The following KHDRBS2 variants were observed in gnomAD, a reference collection of about 807,000 sequenced individuals.
KHDRBS2 encodes the protein KH RNA binding domain containing, signal transduction associated 2.
A neutral mutation model predicts 44.3 loss-of-function variants in KHDRBS2; 26 were observed. The observed-to-expected ratio is 0.59, with a 90% CI of 0.43 to 0.81. The LOEUF is 0.81. Ranked by LOEUF, KHDRBS2 falls within the 40% of genes least tolerant of loss-of-function variation. The pLI is 0.00. For synonymous variants in KHDRBS2, 194 were observed against 151.1 expected, an observed-to-expected ratio of 1.28 and a Z score of -2.08; for missense variants, 476 against 433.1, an observed-to-expected ratio of 1.10 and a Z score of -0.88.
At chr6:62,177,401 A>C in intron 1 of KHDRBS2, 89 bp from the exon 2 acceptor site, 1 of 958,542 alleles carries the variant, frequency 1.0e-6, no homozygotes, top group Non-Finnish European at 1.5e-6. Context: ...AATAATATTC[A>C]TATTACTCCT....
At chr6:62,061,067 C>T (rs1272935159) in intron 2 of KHDRBS2, among the ~76,000 whole-genome samples, 1 of 151,880 alleles carries the variant, frequency 6.6e-6, no homozygotes, top group African/African-American at 2.4e-5. Context: ...CTATGTGTGT[C>T]TCTGAAAGTT....
At chr6:61,909,638 C>T (rs935240915) in intron 4 of KHDRBS2, among the ~76,000 whole-genome samples, 8 of 145,952 alleles carry the variant, frequency 5.5e-5, no homozygotes, top group African/African-American at 2.1e-4. Context: ...ACAGTATACA[C>T]AAAAGCTCAG....
At chr6:61,758,009 G>A (rs1321333684) in intron 6 of KHDRBS2, among the ~76,000 whole-genome samples, 1 of 152,038 alleles carries the variant, frequency 6.6e-6, no homozygotes, top group Non-Finnish European at 1.5e-5. Context: ...CAGATACCTG[G>A]AATTCTCTCC....
At chr6:62,275,125 A>G (rs1840718664) in intron 1 of KHDRBS2, among the ~76,000 whole-genome samples, 1 of 152,008 alleles carries the variant, frequency 6.6e-6, no homozygotes, top group Non-Finnish European at 1.5e-5. Context: ...ACTTAATTAA[A>G]TTGCTTTTAA....
intron 4 of KHDRBS2, among the ~76,000 whole-genome samples, chr6:61,915,704 C>T (rs571037240): frequency 6.6e-6 from 1 of 152,154 alleles, no homozygotes; most frequent in East Asian, 1.9e-4. Context: ...TTTAAAAATA[C>T]TATCAACAAA....
chr6:61,766,100 C>A (rs1012925437), intron 6 of KHDRBS2, among the ~76,000 whole-genome samples: 1 of 136,140 alleles, frequency 7.3e-6, no homozygotes, highest in Non-Finnish European at 1.7e-5. Context: ...GTGAAGCCAC[C>A]GTGTTCAGGC....
chr6:62,056,055 C>A (rs1490580452), intron 2 of KHDRBS2, among the ~76,000 whole-genome samples: 1 of 151,976 alleles, frequency 6.6e-6, no homozygotes, highest in Non-Finnish European at 1.5e-5. Flanking sequence ...CCCATCTTTA[C>A]GGCCTGTTGG....
At chr6:61,810,717 T>C (rs891088568) in intron 6 of KHDRBS2, among the ~76,000 whole-genome samples, 3 of 152,004 alleles carry the variant, frequency 2.0e-5, no homozygotes, top group African/African-American at 4.8e-5. Flanking sequence ...AAAACTCTTA[T>C]AGAATATTTA....
chr6:62,069,650 C>A (rs562540514), intron 2 of KHDRBS2, among the ~76,000 whole-genome samples: 1 of 151,734 alleles, frequency 6.6e-6, no homozygotes, highest in Admixed American at 6.6e-5. Context: ...ATTGCTCATG[C>A]AAAGATGATT....
At chr6:62,059,879 A>G (rs1791323139) in intron 2 of KHDRBS2, among the ~76,000 whole-genome samples, 1 of 151,888 alleles carries the variant, frequency 6.6e-6, no homozygotes, top group African/African-American at 2.4e-5. Context: ...ACAAAATTTA[A>G]AAAAACAAGG....
chr6:61,874,124 A>G (rs934352659), intron 6 of KHDRBS2, among the ~76,000 whole-genome samples: 1 of 152,026 alleles, frequency 6.6e-6, no homozygotes, highest in Non-Finnish European at 1.5e-5. Context: ...ATTGCCTTTG[A>G]TTATGTAATT....
the KHDRBS2 span, among the ~76,000 whole-genome samples, chr6:61,551,718 C>A: frequency 3.9e-5 from 6 of 152,076 alleles, no homozygotes; most frequent in Admixed American, 6.6e-5. Context: ...TCCCACTAGT[C>A]TATGTGTTTG....
At chr6:61,631,335 A>AAAAAAG in the KHDRBS2 span, among the ~76,000 whole-genome samples, 169 of 104,720 alleles carry the variant, frequency 1.6e-3, 22 homozygotes, top group African/African-American at 2.9e-3. Flanking sequence ...AAAAAAAAAA[A>AAAAAAG]AAGACAATAC....
rs576402627 is a variant in KHDRBS2 at position 61,766,232 on chromosome 6, C to T, written c.811-33468G>A. ...AGGTTTTTATGTCCAGTAATTTATA[C>T]GTTTCTTCTAGGTTTTTCAATTAAT... is the stretch of plus-strand genomic sequence containing the variant. On this transcript the variant is annotated intron_variant, in intron 6 of 8. Coordinates refer to ENST00000281156, the MANE Select transcript of KHDRBS2 (RefSeq NM_152688.4). Among the ~76,000 whole-genome samples the T allele has an allele frequency of 1.4e-4, 21 of 151,768 alleles. No homozygotes were observed. In the South Asian group the frequency reaches 2.9e-3, roughly 21 times the overall value.
At chr6:62,012,390 T>A (rs1019977465) in intron 3 of KHDRBS2, among the ~76,000 whole-genome samples, 1 of 152,172 alleles carries the variant, frequency 6.6e-6, no homozygotes, top group Non-Finnish European at 1.5e-5. Context: ...CTGTATCCAC[T>A]CTTACTCATC....
chr6:61,554,385 G>A, the KHDRBS2 span, among the ~76,000 whole-genome samples: 1 of 150,386 alleles, frequency 6.6e-6, no homozygotes, highest in African/African-American at 2.5e-5. Flanking sequence ...CCTTTATTTT[G>A]AGTCTTTTGG....
intron 1 of KHDRBS2, among the ~76,000 whole-genome samples, chr6:62,181,995 G>A (rs1225009648): frequency 6.6e-6 from 1 of 151,926 alleles, no homozygotes. Flanking sequence ...AAATGAGTAA[G>A]TTAAGGGAGC....
intron 4 of KHDRBS2, among the ~76,000 whole-genome samples, chr6:61,906,825 C>T (rs2127347669): frequency 6.6e-6 from 1 of 152,018 alleles, no homozygotes; most frequent in Non-Finnish European, 1.5e-5. Flanking sequence ...TGATTCCAAA[C>T]ATTGGCTATT....
chr6:62,063,692 T>G (rs1426965854), intron 2 of KHDRBS2, among the ~76,000 whole-genome samples: 1 of 139,368 alleles, frequency 7.2e-6, no homozygotes, highest in Non-Finnish European at 1.6e-5. Flanking sequence ...GGGCAAAAAC[T>G]GGAAGCATTC....
Sources: allele counts gnomAD v4.1 joint callset (sites outside exome capture counted in the v4.1 genomes callset), GRCh38; gene constraint gnomAD v4.1.1; transcripts MANE v1.5; gene names NCBI Gene and HGNC (gene_info 2026-07-23, HGNC 2026-07-21).